The following FSTL5 variants were observed in gnomAD, a reference collection of about 807,000 sequenced individuals.
The protein encoded by FSTL5 is follistatin like 5.
A neutral mutation model predicts 89.1 loss-of-function variants in FSTL5; 62 were observed. The ratio of observed to expected loss-of-function variants is 0.70; its 90% CI spans 0.57 to 0.86. The LOEUF is 0.86. Ranked by LOEUF, FSTL5 falls within the 40% of genes least tolerant of loss-of-function variation. FSTL5 has a pLI of 0.00. For synonymous variants in FSTL5, 383 were observed against 346.2 expected (o/e 1.11, Z -1.18); for missense variants, 1,057 against 1,001.6 (o/e 1.06, Z -0.75).
chr4:161,569,784 CA>C (rs1578933203), intron 8 of FSTL5, among the ~76,000 whole-genome samples: 2 of 151,692 alleles, frequency 1.3e-5, no homozygotes, highest in African/African-American at 2.4e-5. Context: ...CACACACACA[CA>C]CACACACACA....
In FSTL5 at chr4:161,386,472, T is replaced by C. The variant is rs1730650463; in HGVS notation, c.1842-23A>G. ...AACCTGAAAAAAATGAAAATCAGAG[T>C]TAGACAGGAAGCAATGGAGTTTTTA... On this transcript the variant is annotated intron_variant, in intron 15 of 15. Coordinates refer to ENST00000306100, the MANE Select transcript of FSTL5 (RefSeq NM_020116.5). 1.3e-6 allele frequency: 2 copies of C among 1,532,966 alleles called. 1 individual carries two copies. The highest frequency in any genetic ancestry group is 2.4e-5 in the South Asian group (2 of 83,582). The allele number at this position is 1,532,966 out of a possible 1,614,324, so 95.0% of individuals were successfully genotyped here.
At chr4:161,540,583 C>A (rs1018727484) in intron 9 of FSTL5, among the ~76,000 whole-genome samples, 3 of 152,032 alleles carry the variant, frequency 2.0e-5, no homozygotes, top group African/African-American at 7.2e-5. Context: ...TATGACTCTT[C>A]CTGCAGGTTT....
chr4:161,589,164 T>TTTTG (rs34708646), intron 7 of FSTL5, among the ~76,000 whole-genome samples: 74,398 of 148,814 alleles, frequency 0.5, 18,878 homozygotes, highest in East Asian at 0.71. Context: ...AATTGTTGGT[T>TTTTG]TTTGTTTGTT....
chr4:161,993,792 T>G lies in FSTL5; in HGVS notation c.160+39833A>C, dbSNP rs183828629. ...AATGTTATTTTCATTTGATTTTTAG[T>G]TTTTGTCAATGTGTTTGTGTCTGTG... On this transcript the variant is annotated intron_variant, in intron 3 of 15. Transcript: ENST00000306100. 6.3e-4 allele frequency among the ~76,000 whole-genome samples: 96 copies of G among 152,242 alleles called. No individual in the cohort carries two copies. The East Asian group carries it at 0.018, about 28-fold the overall frequency.
chr4:162,060,047 A>T (rs1235632751), intron 2 of FSTL5, among the ~76,000 whole-genome samples: 1 of 152,170 alleles, frequency 6.6e-6, no homozygotes, highest in East Asian at 1.9e-4. Flanking sequence ...GTCCTTTCTT[A>T]CAATTGATCT....
intron 6 of FSTL5, among the ~76,000 whole-genome samples, chr4:161,747,692 G>T (rs946109470): frequency 6.6e-6 from 1 of 152,088 alleles, no homozygotes; most frequent in Non-Finnish European, 1.5e-5. Context: ...TTCCTTCCTT[G>T]TTATAGCAAC....
At chr4:161,506,778 G>C (rs950180278) in intron 11 of FSTL5, among the ~76,000 whole-genome samples, 4 of 152,122 alleles carry the variant, frequency 2.6e-5, no homozygotes, top group African/African-American at 7.2e-5. Context: ...TACAGATTAT[G>C]AAACTAATCA....
chr4:161,500,428 A>T (rs553594787), intron 11 of FSTL5, among the ~76,000 whole-genome samples: 1 of 152,280 alleles, frequency 6.6e-6, no homozygotes, highest in East Asian at 1.9e-4. Flanking sequence ...TGATACATAG[A>T]TTATCTTGGA....
At chr4:161,756,646 C>T (rs1740581096) in intron 6 of FSTL5, among the ~76,000 whole-genome samples, 1 of 151,894 alleles carries the variant, frequency 6.6e-6, no homozygotes, top group African/African-American at 2.4e-5. Flanking sequence ...AAATTACATC[C>T]CAAAACGCAG....
Position 162,006,874 on chromosome 4 carries a change from T to C in FSTL5, c.160+26751A>G, listed in dbSNP as rs1229330807. Reference sequence around the variant, plus strand: ...AAAACAATGAAATAGTCACATGGTTTTGGAGAGGAATTGCTCAAGTCATTA... The same window carrying C: ...AAAACAATGAAATAGTCACATGGTTCTGGAGAGGAATTGCTCAAGTCATTA... On this transcript the variant is annotated intron_variant, in intron 3 of 15. Coordinates refer to ENST00000306100, the MANE Select transcript of FSTL5 (RefSeq NM_020116.5). Among the ~76,000 whole-genome samples, 6 of 151,956 alleles carry C rather than the reference T, an allele frequency of 3.9e-5. No individual in the cohort carries two copies. In the East Asian group the frequency reaches 9.6e-4, roughly 24 times the overall value.
chr4:162,048,614 C>G (rs1186832554), intron 2 of FSTL5, among the ~76,000 whole-genome samples: 2 of 151,806 alleles, frequency 1.3e-5, no homozygotes, highest in Admixed American at 1.3e-4. Context: ...CACACACACA[C>G]ACACACACAC....
chr4:162,140,442 A>G (rs1319402166), intron 1 of FSTL5, among the ~76,000 whole-genome samples: 5 of 152,212 alleles, frequency 3.3e-5, no homozygotes, highest in South Asian at 2.1e-4. Context: ...AACAGTAAAA[A>G]CTAATGTATG....
rs1468746261 is a variant in FSTL5, at chr4:161,538,152, G to A, written c.1312+14C>T. 10 of 1,613,134 alleles carry A rather than the reference G, an allele frequency of 6.2e-6. No homozygotes were observed. In the East Asian group the frequency reaches 6.7e-5, roughly 11 times the overall value. ...ATATGGTGTGTGTGTGCTGTTGGGTGGTTCTATACATACGGGTCTTTCTAG... is the reference window on the plus strand; with the variant it reads ...ATATGGTGTGTGTGTGCTGTTGGGTAGTTCTATACATACGGGTCTTTCTAG... On this transcript the variant is annotated intron_variant, in intron 10 of 15. Transcript: ENST00000306100.
At chr4:161,863,346 T>C (rs570106386) in intron 4 of FSTL5, among the ~76,000 whole-genome samples, 2 of 152,170 alleles carry the variant, frequency 1.3e-5, no homozygotes, top group Non-Finnish European at 2.9e-5. Flanking sequence ...TTTTGTTTAG[T>C]TTCAGGCAAG....
At chr4:161,683,670 T>C (rs182598146) in intron 6 of FSTL5, among the ~76,000 whole-genome samples, 57 of 152,350 alleles carry the variant, frequency 3.7e-4, no homozygotes, top group Admixed American at 5.9e-4. Flanking sequence ...TAAATCATTA[T>C]ATCATTACAT....
At chr4:162,053,706 A>G (rs1738452442) in intron 2 of FSTL5, among the ~76,000 whole-genome samples, 1 of 151,828 alleles carries the variant, frequency 6.6e-6, no homozygotes, top group Non-Finnish European at 1.5e-5. Context: ...AAATTTTAAA[A>G]TTCAATTTAA....
At chr4:161,468,654 A>G (rs183906158) in intron 13 of FSTL5, among the ~76,000 whole-genome samples, 52 of 152,296 alleles carry the variant, frequency 3.4e-4, no homozygotes, top group Middle Eastern at 3.4e-3. Flanking sequence ...GGTCAGTCAT[A>G]AAATCATTTT....
At chr4:161,390,001 T>C (rs779039103) in intron 15 of FSTL5, among the ~76,000 whole-genome samples, 3 of 152,156 alleles carry the variant, frequency 2.0e-5, no homozygotes, top group Admixed American at 2.0e-4. Flanking sequence ...AGAGATCACA[T>C]TGACAATAAA....
chr4:161,693,378 A>G (rs925155314), intron 6 of FSTL5, among the ~76,000 whole-genome samples: 3 of 152,142 alleles, frequency 2.0e-5, no homozygotes, highest in African/African-American at 4.8e-5. Flanking sequence ...TTTTGGTGAT[A>G]ATATTTCTTT....
Sources: allele counts gnomAD v4.1 joint callset (sites outside exome capture counted in the v4.1 genomes callset), GRCh38; gene constraint gnomAD v4.1.1; transcripts MANE v1.5; gene names NCBI Gene and HGNC (gene_info 2026-07-23, HGNC 2026-07-21).